CFAP299: variants seen among roughly 807,000 people sequenced by gnomAD.
CFAP299 encodes cilia and flagella associated protein 299, also known as cilia- and flagella-associated protein 299.
Under a neutral mutation model 27.0 loss-of-function variants are expected in CFAP299, and 21 were observed. That is an observed-to-expected ratio of 0.78 (90% CI 0.55 to 1.12). The LOEUF (loss-of-function observed/expected upper bound fraction) is 1.12. Ranked by LOEUF, CFAP299 falls within the 50% of genes most tolerant of loss-of-function variation. The pLI, the probability that CFAP299 is intolerant of heterozygous loss-of-function variation, is 0.00. For synonymous variants in CFAP299, 104 were observed against 98.1 expected (o/e 1.06, Z -0.36); for missense variants, 310 against 276.6 (o/e 1.12, Z -0.86).
intron 2 of CFAP299, among the ~76,000 whole-genome samples, chr4:80,363,130 G>C (rs932770271): frequency 6.6e-6 from 1 of 152,106 alleles, no homozygotes; most frequent in Non-Finnish European, 1.5e-5. Context: ...TACCAATAAA[G>C]TCTTGTTAAA....
chr4:80,437,561 A>G (rs1053807143), intron 2 of CFAP299, among the ~76,000 whole-genome samples: 1 of 152,200 alleles, frequency 6.6e-6, no homozygotes, highest in African/African-American at 2.4e-5. Context: ...TGAGAGATGG[A>G]AAGCCCAAAA....
intron 4 of CFAP299, among the ~76,000 whole-genome samples, chr4:80,933,766 T>C (rs2110220951): frequency 6.6e-6 from 1 of 152,220 alleles, no homozygotes; most frequent in South Asian, 2.1e-4. Context: ...AACAGAACTT[T>C]TATTATTGAT....
intron 3 of CFAP299, among the ~76,000 whole-genome samples, chr4:80,689,618 G>C (rs1315048176): frequency 6.6e-6 from 1 of 152,108 alleles, no homozygotes; most frequent in Non-Finnish European, 1.5e-5. Flanking sequence ...TTGAGACTAG[G>C]CAGAAACTGC....
chr4:80,920,623 T>G (rs1403658713), intron 4 of CFAP299, among the ~76,000 whole-genome samples: 2 of 152,146 alleles, frequency 1.3e-5, no homozygotes, highest in Non-Finnish European at 2.9e-5. Flanking sequence ...ATGCTGCCTT[T>G]TACTATAATA....
chr4:80,675,001 C>T (rs554347811), intron 3 of CFAP299, among the ~76,000 whole-genome samples: 3 of 150,948 alleles, frequency 2.0e-5, no homozygotes, highest in South Asian at 2.1e-4. Flanking sequence ...TTGTTATTAC[C>T]GACCTTCTGA....
At chr4:80,387,957 T>C in intron 2 of CFAP299, 1 of 777,748 alleles carries the variant, frequency 1.3e-6, no homozygotes, top group Admixed American at 2.1e-5. Context: ...TTGCCAGGGC[T>C]GTACACTGTG....
At chr4:80,332,958 A>C (rs768734884), upstream of CFAP299, among the ~76,000 whole-genome samples, 4 of 152,126 alleles carry the variant, frequency 2.6e-5, no homozygotes, top group Non-Finnish European at 4.4e-5. Context: ...TCTGTTCCAA[A>C]GTGGTGGTTG....
At position 80,882,875 on chromosome 4, in the gene CFAP299, C is replaced by T. The variant is rs1733780950; in HGVS notation, c.476+12740C>T. 3.3e-5 allele frequency among the ~76,000 whole-genome samples: 5 copies of T among 152,130 alleles called. No homozygotes were observed. The South Asian group carries it at 1.0e-3, about 32-fold the overall frequency. On this transcript the variant is annotated intron_variant, in intron 4 of 5. Coordinates refer to ENST00000358105, the MANE Select transcript of CFAP299 (RefSeq NM_152770.3). ...AACTCTAAAACAAAAATTGAGAGAG[C>T]TCATTACAAGACCTGCCTTATTAGA...
intron 2 of CFAP299, among the ~76,000 whole-genome samples, chr4:80,510,145 TA>T (rs1211308104): frequency 2.0e-5 from 3 of 152,172 alleles, no homozygotes; most frequent in Non-Finnish European, 4.4e-5. Flanking sequence ...TTGCCTCATA[TA>T]GGATTTGTTC....
chr4:80,563,649 A>C (rs1308790980), intron 2 of CFAP299, among the ~76,000 whole-genome samples: 1 of 152,062 alleles, frequency 6.6e-6, no homozygotes, highest in African/African-American at 2.4e-5. Flanking sequence ...CTGGAAAAGC[A>C]AGAGCAAACC....
intron 3 of CFAP299, among the ~76,000 whole-genome samples, chr4:80,773,349 T>G (rs1020004353): frequency 2.6e-5 from 4 of 152,104 alleles, no homozygotes; most frequent in African/African-American, 9.7e-5. Context: ...GGCTATTGAC[T>G]GAAAATGCCA....
chr4:80,539,850 A>G (rs1733917381), intron 2 of CFAP299, among the ~76,000 whole-genome samples: 1 of 152,184 alleles, frequency 6.6e-6, no homozygotes, highest in African/African-American at 2.4e-5. Flanking sequence ...ATATGACTGT[A>G]GTGTGAATAA....
intron 2 of CFAP299, among the ~76,000 whole-genome samples, chr4:80,515,280 A>G (rs1313657277): frequency 5.9e-5 from 9 of 152,148 alleles, no homozygotes; most frequent in Admixed American, 5.9e-4. Context: ...GAAATATGAA[A>G]TTACACTAAT....
intron 3 of CFAP299, among the ~76,000 whole-genome samples, chr4:80,598,149 G>A (rs1737151816): frequency 6.6e-6 from 1 of 152,220 alleles, no homozygotes; most frequent in Admixed American, 6.5e-5. Context: ...ATGCCACTAT[G>A]AGATTAGATG....
intron 3 of CFAP299, among the ~76,000 whole-genome samples, chr4:80,590,104 G>T (rs1402052284): frequency 6.6e-6 from 1 of 151,942 alleles, no homozygotes; most frequent in Non-Finnish European, 1.5e-5. Flanking sequence ...AGGAATTAAT[G>T]CAAAAAATAT....
intron 2 of CFAP299, among the ~76,000 whole-genome samples, chr4:80,502,525 A>C (rs1285153541): frequency 5.3e-5 from 8 of 152,118 alleles, no homozygotes; most frequent in Non-Finnish European, 1.0e-4. Context: ...CTGGAAAAAA[A>C]CAAATCTATT....
At chr4:80,355,041 C>G (rs750252167) in intron 1 of CFAP299, among the ~76,000 whole-genome samples, 1 of 152,014 alleles carries the variant, frequency 6.6e-6, no homozygotes, top group Non-Finnish European at 1.5e-5. Flanking sequence ...ATATGTCCAG[C>G]GATGATATTT....
intron 3 of CFAP299, among the ~76,000 whole-genome samples, chr4:80,640,053 A>G (rs868403227): frequency 6.6e-6 from 1 of 152,194 alleles, no homozygotes; most frequent in Non-Finnish European, 1.5e-5. Context: ...TGATAGTTGC[A>G]ATGTGAATTC....
chr4:80,500,326 A>G (rs955081110), intron 2 of CFAP299, among the ~76,000 whole-genome samples: 9 of 152,082 alleles, frequency 5.9e-5, no homozygotes, highest in African/African-American at 2.2e-4. Flanking sequence ...AGCTTCATTC[A>G]GTGTTCAGTC....
Sources: allele counts gnomAD v4.1 joint callset (sites outside exome capture counted in the v4.1 genomes callset), GRCh38; gene constraint gnomAD v4.1.1; transcripts MANE v1.5; gene names NCBI Gene and HGNC (gene_info 2026-07-23, HGNC 2026-07-21).